UGGT2: variants seen among roughly 807,000 people sequenced by gnomAD.
UGGT2 encodes the protein UDP-glucose glycoprotein glucosyltransferase 2.
In UGGT2, 180 loss-of-function variants were observed where a neutral mutation model predicts 192.1. That is an observed-to-expected ratio of 0.94 (90% CI 0.83 to 1.06). The LOEUF (loss-of-function observed/expected upper bound fraction) is 1.06. Among genes scored for constraint, UGGT2 ranks in the 50% least tolerant of loss-of-function variants. The pLI is 0.00. For missense variants in UGGT2, 1,849 were observed against 1,795.7 expected, an observed-to-expected ratio of 1.03 and a Z score of -0.54; for synonymous variants, 580 against 591.0, an observed-to-expected ratio of 0.98 and a Z score of 0.27.
At chr13:95,949,923 T>G (rs1436333286) in intron 12 of UGGT2, among the ~76,000 whole-genome samples, 1 of 152,156 alleles carries the variant, frequency 6.6e-6, no homozygotes, top group East Asian at 1.9e-4. Context: ...AGAAAACATA[T>G]AAACTGCTGT....
chr13:95,874,235 G>C (rs367729640), intron 29 of UGGT2, among the ~76,000 whole-genome samples: 2 of 151,962 alleles, frequency 1.3e-5, no homozygotes, highest in Non-Finnish European at 2.9e-5. Flanking sequence ...TTATCCACAG[G>C]GTATAGGTTC....
intron 10 of UGGT2, 90 bp downstream of exon 10, chr13:95,983,714 A>C: frequency 3.0e-6 from 3 of 990,372 alleles, no homozygotes; most frequent in Non-Finnish European, 4.5e-6. Context: ...ACAAATTACT[A>C]TTTCCTTTTT....
At chr13:96,000,717 A>G (rs756493150) in intron 5 of UGGT2, among the ~76,000 whole-genome samples, 3 of 152,304 alleles carry the variant, frequency 2.0e-5, no homozygotes, top group Non-Finnish European at 4.4e-5. Flanking sequence ...TCAGTTCTGG[A>G]AAGTTATTAG....
intron 1 of UGGT2, among the ~76,000 whole-genome samples, chr13:96,042,115 T>C (rs1181110683): frequency 1.3e-5 from 2 of 151,498 alleles, no homozygotes; most frequent in Admixed American, 1.3e-4. Flanking sequence ...CCTCAGAGAG[T>C]CCATTTCACC....
chr13:95,815,899 TAGC>T (rs1884830205), intron 38 of UGGT2, among the ~76,000 whole-genome samples: 1 of 152,158 alleles, frequency 6.6e-6, no homozygotes, highest in South Asian at 2.1e-4. Context: ...ATGAATGGGT[TAGC>T]AGCATTCCCT....
rs951374356 is a variant in UGGT2, at chr13:95,853,651, T to C, written c.4176A>G (p.Leu1392=). 5.8e-6 allele frequency: 9 copies of C among 1,555,174 alleles called. No individual in the cohort carries two copies. In the Admixed American group the frequency reaches 1.1e-4, roughly 19 times the overall value. ...TGAACTTCTTGAGATCCACTACATA[T>C]AAAGCACTGCAAAAATGAATTACTT... ...LLRRKYHISA[L]YVVDLKKFRR... The change falls in exon 36 of 39, where the codon TTA becomes TTG. Residue 1392 remains leucine, a synonymous_variant. Coordinates refer to ENST00000376747, the MANE Select transcript of UGGT2 (RefSeq NM_020121.4).
At chr13:95,918,932 A>C (rs914817642) in intron 20 of UGGT2, among the ~76,000 whole-genome samples, 4 of 152,198 alleles carry the variant, frequency 2.6e-5, no homozygotes, top group Non-Finnish European at 4.4e-5. Flanking sequence ...GGAAAACTTC[A>C]TGTCAATACC....
chr13:96,011,358 A>G (rs2052156229), intron 5 of UGGT2, among the ~76,000 whole-genome samples: 1 of 152,100 alleles, frequency 6.6e-6, no homozygotes, highest in Non-Finnish European at 1.5e-5. Flanking sequence ...ATTTATATCT[A>G]GGACATAAAA....
In UGGT2 at chr13:96,041,397, C is replaced by G. The variant is rs369623605; in HGVS notation, c.159-9426G>C. ...TTCTGCCTTGCCTCACAGGGGTCCTCGGGTAGGGCTGCCAGAGGTACTGGG... is the reference window on the plus strand; with the variant it reads ...TTCTGCCTTGCCTCACAGGGGTCCTGGGGTAGGGCTGCCAGAGGTACTGGG... On this transcript the variant is annotated intron_variant, in intron 1 of 38. Coordinates refer to ENST00000376747, the MANE Select transcript of UGGT2 (RefSeq NM_020121.4). 2.0e-5 allele frequency among the ~76,000 whole-genome samples: 3 copies of G among 152,212 alleles called. No individual in the cohort carries two copies. The East Asian group carries it at 5.8e-4, about 29-fold the overall frequency.
intron 8 of UGGT2, among the ~76,000 whole-genome samples, chr13:95,987,749 C>A (rs1399655947): frequency 2.0e-5 from 3 of 152,104 alleles, no homozygotes; most frequent in Non-Finnish European, 4.4e-5. Context: ...GTCCTATCAA[C>A]CCCTTCTTAC....
intron 36 of UGGT2, 46 bp from the exon 37 acceptor site, chr13:95,837,248 C>A: frequency 7.3e-7 from 1 of 1,363,642 alleles, no homozygotes; most frequent in South Asian, 1.2e-5. Flanking sequence ...AATTTAGAGT[C>A]AGAAGGAAAG....
chr13:95,862,762 G>C (rs1890279924), intron 31 of UGGT2, among the ~76,000 whole-genome samples: 3 of 152,166 alleles, frequency 2.0e-5, no homozygotes, highest in South Asian at 4.1e-4. Flanking sequence ...GAAAACAGTA[G>C]ACCTAAGAGA....
chr13:96,031,050 G>A (rs1221241826), intron 2 of UGGT2, among the ~76,000 whole-genome samples: 1 of 152,124 alleles, frequency 6.6e-6, no homozygotes, highest in East Asian at 1.9e-4. Context: ...TATGGACCTT[G>A]CGTATTAAGG....
chr13:95,927,460 CATTTT>C (rs2049057034), intron 17 of UGGT2, 124 bp from the exon 18 acceptor site: 1 of 620,860 alleles, frequency 1.6e-6, no homozygotes, highest in African/African-American at 2.0e-5. Flanking sequence ...TATTACAATA[CATTTT>C]CTTTCTTTTT....
chr13:95,898,550 T>G (rs1249819253), intron 22 of UGGT2, among the ~76,000 whole-genome samples: 2 of 152,148 alleles, frequency 1.3e-5, no homozygotes, highest in Non-Finnish European at 2.9e-5. Flanking sequence ...GACACTGCTA[T>G]GAATGTGCTA....
intron 29 of UGGT2, among the ~76,000 whole-genome samples, chr13:95,868,364 G>A (rs1890872289): frequency 6.6e-6 from 1 of 152,112 alleles, no homozygotes; most frequent in African/African-American, 2.4e-5. Context: ...GGGAGGCTGG[G>A]GTGGGAGAAT....
chr13:95,859,772 T>C, intron 32 of UGGT2, 97 bp from the exon 33 acceptor site: 1 of 882,260 alleles, frequency 1.1e-6, no homozygotes, highest in South Asian at 2.5e-5. Flanking sequence ...TTAATTTTAA[T>C]TTCTTAAATT....
rs769741473 is a variant in UGGT2, at chr13:95,894,605, G to A, written c.2812C>T (p.Arg938Cys). The part of the protein sequence containing the change: ...VDALMSSVPK[R>C]ASRYDVTFLR... ...AATGTGACATCATATCGAGATGCAC[G>A]CTTAGGCACAGAGGACATAAGGGCA... The change falls in exon 24 of 39, where the codon CGT becomes TGT. Residue 938 changes from arginine (R) to cysteine (C), a missense_variant. Transcript: ENST00000376747. 1.1e-5 allele frequency: 18 copies of A among 1,611,174 alleles called. No individual in the cohort carries two copies. The highest frequency in any genetic ancestry group is 3.3e-5 in the Admixed American group (2 of 59,750).
chr13:95,997,696 G>C (rs2051669804), intron 6 of UGGT2, among the ~76,000 whole-genome samples: 1 of 152,110 alleles, frequency 6.6e-6, no homozygotes, highest in Non-Finnish European at 1.5e-5. Context: ...AAGAAGTGAA[G>C]ACAGCGGTAG....
Sources: gnomAD v4.1 joint callset for allele counts (sites outside exome capture counted in the v4.1 genomes callset) on GRCh38, gnomAD v4.1.1 for gene constraint, MANE v1.5 for transcripts, NCBI Gene and HGNC (gene_info 2026-07-23, HGNC 2026-07-21) for gene names.